Variants in GLRA1 observed in about 807,000 individuals in gnomAD.
GLRA1 encodes glycine receptor subunit alpha-1.
A neutral mutation model predicts 48.3 loss-of-function variants in GLRA1; 37 were observed. The observed-to-expected ratio is 0.77, with a 90% CI of 0.59 to 1.01. GLRA1 has a LOEUF of 1.01. Among genes scored for constraint, GLRA1 ranks in the 50% least tolerant of loss-of-function variants. GLRA1 has a pLI of 0.00. For synonymous variants in GLRA1, 196 were observed against 210.7 expected, an observed-to-expected ratio of 0.93 and a Z score of 0.60; for missense variants, 427 against 571.0, an observed-to-expected ratio of 0.75 and a Z score of 2.57.
intron 1 of GLRA1, among the ~76,000 whole-genome samples, chr5:151,915,867 C>T (rs1029729589): frequency 3.3e-5 from 5 of 151,998 alleles, no homozygotes; most frequent in South Asian, 2.1e-4. Flanking sequence ...TGCAGTTAAA[C>T]GTGATCAAGG....
chr5:151,902,330 T>G (rs1422193333), intron 1 of GLRA1, among the ~76,000 whole-genome samples: 1 of 151,880 alleles, frequency 6.6e-6, no homozygotes, highest in East Asian at 2.0e-4. Context: ...GGTTATCTTC[T>G]GCTTGACTCT....
intron 3 of GLRA1, among the ~76,000 whole-genome samples, chr5:151,868,774 C>T (rs904142359): frequency 3.3e-5 from 5 of 152,180 alleles, no homozygotes; most frequent in African/African-American, 1.2e-4. Flanking sequence ...ATTTCTGCCT[C>T]GAGCCATGGA....
intron 1 of GLRA1, among the ~76,000 whole-genome samples, chr5:151,893,401 TTACATAGGTA>T (rs1056736749): frequency 3.2e-4 from 49 of 151,494 alleles, no homozygotes; most frequent in African/African-American, 1.2e-3. Flanking sequence ...TGCAGGTTTG[TTACATAGGTA>T]TACATGTGCC....
chr5:151,875,392 T>C (rs1753598460), intron 3 of GLRA1, among the ~76,000 whole-genome samples: 1 of 152,186 alleles, frequency 6.6e-6, no homozygotes, highest in African/African-American at 2.4e-5. Flanking sequence ...TAGGCTGGTC[T>C]TGAACTCTTA....
At chr5:151,881,056 A>G (rs1753748374) in intron 3 of GLRA1, among the ~76,000 whole-genome samples, 1 of 152,240 alleles carries the variant, frequency 6.6e-6, no homozygotes, top group East Asian at 1.9e-4. Flanking sequence ...CTTTGAAGTT[A>G]CATGTCTACA....
chr5:151,875,194 G>A (rs1328531722), intron 3 of GLRA1, among the ~76,000 whole-genome samples: 3 of 151,950 alleles, frequency 2.0e-5, no homozygotes, highest in African/African-American at 4.8e-5. Context: ...AAAAAAAGTT[G>A]GGGTCTTGCT....
chr5:151,827,039 T>C (rs1763291458), intron 8 of GLRA1, among the ~76,000 whole-genome samples: 2 of 150,804 alleles, frequency 1.3e-5, no homozygotes, highest in Admixed American at 1.3e-4. Context: ...GTTTTTTTTT[T>C]TTTTTTTGAG....
chr5:151,888,401 T>C (rs1027476757), intron 2 of GLRA1, among the ~76,000 whole-genome samples: 5 of 152,218 alleles, frequency 3.3e-5, no homozygotes, highest in Non-Finnish European at 7.3e-5. Context: ...CTTTTCTCTG[T>C]CCTGGGCCTC....
At chr5:151,847,798 T>C (rs887192234) in intron 7 of GLRA1, among the ~76,000 whole-genome samples, 1 of 151,812 alleles carries the variant, frequency 6.6e-6, no homozygotes, top group Non-Finnish European at 1.5e-5. Flanking sequence ...GAAGGTTGTA[T>C]TGATCGTAAG....
chr5:151,861,469 G>T (rs1456154739), intron 3 of GLRA1, among the ~76,000 whole-genome samples: 6 of 152,206 alleles, frequency 3.9e-5, no homozygotes, highest in Non-Finnish European at 8.8e-5. Flanking sequence ...GCATTTCTCT[G>T]ATGGCCAGTG....
In GLRA1 at chr5:151,857,298, A is replaced by G. The variant is rs189525798; in HGVS notation, c.477-915T>C. Among the ~76,000 whole-genome samples, 187 of 152,354 alleles carry G rather than the reference A, an allele frequency of 1.2e-3. 2 individuals are homozygous for G. Among genetic ancestry groups the G allele is most frequent in the African/African-American group, 4.2e-3 (176 of 41,586 alleles). On this transcript the variant is annotated intron_variant, in intron 4 of 8. Transcript: ENST00000274576. ...GTATTTCCAAGTTCCTGATTGAAAA[A>G]TGGAGGTTTAGAGAGGTAAAAATAG...
chr5:151,867,652 T>C (rs547999748), intron 3 of GLRA1, among the ~76,000 whole-genome samples: 83 of 152,344 alleles, frequency 5.4e-4, no homozygotes, highest in Admixed American at 1.9e-3. Flanking sequence ...TTGGGCATTT[T>C]CAACCTAATT....
At chr5:151,886,938 G>T in intron 2 of GLRA1, 150 bp from the exon 3 acceptor site, 1 of 697,544 alleles carries the variant, frequency 1.4e-6, no homozygotes, top group Non-Finnish European at 2.6e-6. Context: ...AAGCACCTGG[G>T]ATTCCCAGCC....
chr5:151,855,709 A>G (rs892196932), intron 5 of GLRA1, among the ~76,000 whole-genome samples: 6 of 152,242 alleles, frequency 3.9e-5, no homozygotes, highest in African/African-American at 1.4e-4. Context: ...GAAATGGTCC[A>G]TTAGTTCCTG....
At chr5:151,848,681 T>C (rs1245922325) in intron 7 of GLRA1, among the ~76,000 whole-genome samples, 1 of 152,230 alleles carries the variant, frequency 6.6e-6, no homozygotes, top group East Asian at 1.9e-4. Context: ...AGTCTCTGCC[T>C]ATGTTCTTTC....
rs1302712917 is a variant in GLRA1 at position 151,873,703 on chromosome 5, C to T, written c.252+13018G>A. On this transcript the variant is annotated intron_variant, in intron 3 of 8. Transcript: ENST00000274576. ...AAAAAGGTTTACCTTAAAAATTGAA[C>T]TAAGGTGGGACTGCTATTAAAAACA... Among the ~76,000 whole-genome samples the T allele has an allele frequency of 2.7e-5, 4 of 150,250 alleles. No individual in the cohort carries two copies. In the South Asian group the frequency reaches 6.4e-4, roughly 24 times the overall value.
At chr5:151,889,362 A>G (rs1753998899) in intron 2 of GLRA1, among the ~76,000 whole-genome samples, 1 of 152,264 alleles carries the variant, frequency 6.6e-6, no homozygotes, top group Non-Finnish European at 1.5e-5. Context: ...AAGAAGACAC[A>G]GAATAACAGA....
intron 3 of GLRA1, among the ~76,000 whole-genome samples, chr5:151,872,515 T>C (rs1753513489): frequency 6.7e-6 from 1 of 149,990 alleles, no homozygotes. Flanking sequence ...AAAGTGACTA[T>C]TCTTTCATTA....
chr5:151,870,990 G>A (rs1189907927), intron 3 of GLRA1, among the ~76,000 whole-genome samples: 5 of 149,686 alleles, frequency 3.3e-5, no homozygotes, highest in Admixed American at 3.3e-4. Flanking sequence ...TCAGCCTTCT[G>A]GAATTTGATC....
Sources: gnomAD v4.1 joint callset for allele counts (sites outside exome capture counted in the v4.1 genomes callset) on GRCh38, gnomAD v4.1.1 for gene constraint, MANE v1.5 for transcripts, NCBI Gene and HGNC (gene_info 2026-07-23, HGNC 2026-07-21) for gene names.